Variants in ANKK1 observed in about 807,000 individuals in gnomAD.
ANKK1 encodes the protein ankyrin repeat and kinase domain containing 1.
ANKK1 carries 37 observed loss-of-function variants against 37.6 expected under a neutral mutation model. The observed-to-expected ratio is 0.98, with a 90% confidence interval of 0.76 to 1.29. ANKK1 has a LOEUF of 1.29. ANKK1 is among the 50% of genes most tolerant of loss of function. The pLI is 0.00. For synonymous variants in ANKK1, 415 were observed against 418.7 expected, an observed-to-expected ratio of 0.99 and a Z score of 0.11; for missense variants, 1,019 against 990.6, an observed-to-expected ratio of 1.03 and a Z score of -0.39.
intron 5 of ANKK1, 120 bp downstream of exon 5, chr11:113,396,342 C>CTTTT: frequency 1.1e-5 from 9 of 831,042 alleles, no homozygotes; most frequent in East Asian, 6.2e-5. Flanking sequence ...CCTAGAAGGA[C>CTTTT]TTTTTTTTTT....
chr11:113,392,109 G>A (rs1010604612), intron 1 of ANKK1, among the ~76,000 whole-genome samples: 6 of 152,220 alleles, frequency 3.9e-5, no homozygotes, highest in Non-Finnish European at 7.3e-5. Flanking sequence ...ATGCTCTCAA[G>A]ACTTCTGGGT....
chr11:113,391,359 T>C lies in ANKK1; in HGVS notation c.186-2122T>C, dbSNP rs533486914. Among the ~76,000 whole-genome samples the C allele has an allele frequency of 8.5e-5, 13 of 152,328 alleles. No homozygotes were observed. In the South Asian group the frequency reaches 1.4e-3, roughly 17 times the overall value. ...CTTTTACTGTGAATGAGGAGAGCCA[T>C]TGGAGAAGGGCAGTGACATGTTGTG... On this transcript the variant is annotated intron_variant, in intron 1 of 7. Transcript: ENST00000303941.
Position 113,388,042 on chromosome 11 carries a change from C to A in ANKK1, c.158C>A (p.Ala53Asp). ...RWRTEYAIKC[A>D]PCLPPDAASS... ...CGGACGGAGTACGCCATCAAGTGCG[C>A]CCCCTGCCTTCCACCCGACGCCGCC... The change falls in exon 1 of 8, where the codon GCC (alanine) becomes GAC (aspartate). Residue 53 changes from alanine to aspartate, a missense_variant. Physicochemically the swap from Ala to Asp is moderately radical, Grantham distance 126. Coordinates refer to ENST00000303941, the MANE Select transcript of ANKK1 (RefSeq NM_178510.2). 1 of 1,530,040 alleles carries A rather than the reference C, an allele frequency of 6.5e-7. No homozygotes were observed. Among genetic ancestry groups the A allele is most frequent in the Admixed American group, 1.9e-5 (1 of 53,694 alleles). The allele number at this position is 1,530,040 out of a possible 1,614,324, so 94.8% of individuals were successfully genotyped here. A position where few individuals can be genotyped will look rare whatever the true frequency, so the allele number is the denominator to read the frequency against.
intron 2 of ANKK1, 129 bp from the exon 3 acceptor site, chr11:113,394,800 G>A (rs751293897): frequency 6.5e-5 from 83 of 1,274,538 alleles, no homozygotes; most frequent in Non-Finnish European, 8.5e-5. Context: ...GTAGTGCTAG[G>A]AGGGAGTGTC....
chr11:113,397,417 GC>G, intron 6 of ANKK1, 75 bp downstream of exon 6: 1 of 1,273,810 alleles, frequency 7.9e-7, no homozygotes, highest in South Asian at 1.3e-5. Flanking sequence ...GTGATCTCTG[GC>G]CAGACACTGA....
Position 113,399,855 on chromosome 11 carries a change from C to G in ANKK1, c.1886C>G (p.Pro629Arg). Residue 629 changes from proline to arginine, a missense_variant, in exon 8 of 8, where the codon CCC becomes CGC. Pro to Arg is a moderately radical substitution (Grantham distance 103, BLOSUM62 -2). Transcript: ENST00000303941. ...GCTCTTGGAGCTGTGAACTGGACTC[C>G]CCTGCACCTAGCTGCACGCCACGGG... The part of the protein sequence containing the change: ...MGALGAVNWT[P>R]LHLAARHGEE... The G allele has an allele frequency of 6.2e-7, 1 of 1,612,094 alleles. No individual in the cohort carries two copies. Among genetic ancestry groups the G allele is most frequent in the Middle Eastern group, 1.7e-4 (1 of 6,058 alleles).
intron 2 of ANKK1, among the ~76,000 whole-genome samples, chr11:113,394,448 A>G (rs1051689387): frequency 6.6e-6 from 1 of 152,216 alleles, no homozygotes; most frequent in African/African-American, 2.4e-5. Flanking sequence ...TCCTTGGTCC[A>G]CAGCCTTCCT....
chr11:113,398,847 C>A, intron 7 of ANKK1, 117 bp from the exon 8 acceptor site: 1 of 869,528 alleles, frequency 1.2e-6, no homozygotes, highest in Non-Finnish European at 1.7e-6. Flanking sequence ...AAAGGCATTG[C>A]CCTTACTGCT....
At position 113,388,056 on chromosome 11, in the gene ANKK1, C is replaced by T; in HGVS notation, c.172C>T (p.Pro58Ser). 1 of 1,510,044 alleles carries T rather than the reference C, an allele frequency of 6.6e-7. No homozygotes were observed. The highest frequency in any genetic ancestry group is 8.9e-7 in the Non-Finnish European group (1 of 1,126,146). The allele number at this position is 1,510,044 out of a possible 1,614,324, so 93.5% of individuals were successfully genotyped here. ...CATCAAGTGCGCCCCCTGCCTTCCACCCGACGCCGCCAGGTACTGCCAGCC... is the reference window on the plus strand; with the variant it reads ...CATCAAGTGCGCCCCCTGCCTTCCATCCGACGCCGCCAGGTACTGCCAGCC... ...YAIKCAPCLP[P>S]DAASSDVNYL... Residue 58 changes from proline (P) to serine (S), a missense_variant, in exon 1 of 8, where the codon CCC (proline) becomes TCC (serine). Coordinates refer to ENST00000303941, the MANE Select transcript of ANKK1 (RefSeq NM_178510.2).
rs1950625788 is a variant in ANKK1 at position 113,395,011 on chromosome 11, T to C, written c.563T>C (p.Leu188Pro). 1 of 1,613,506 alleles carries C rather than the reference T, an allele frequency of 6.2e-7. No individual in the cohort carries two copies. The highest frequency in any genetic ancestry group is 8.5e-7 in the Non-Finnish European group (1 of 1,179,692). ...YIERSALRGM[L>P]SYIPPEMFLE... is the part of the protein sequence containing the mutation. ...GAGAGGTCGGCTCTGCGGGGCATGCTCAGCTACATCCCCCCTGAGATGTTC... is the reference window on the plus strand; with the variant it reads ...GAGAGGTCGGCTCTGCGGGGCATGCCCAGCTACATCCCCCCTGAGATGTTC... Residue 188 changes from leucine (L) to proline (P), a missense_variant, in exon 3 of 8, where the codon CTC (leucine) becomes CCC (proline). Transcript: ENST00000303941.
intron 7 of ANKK1, 82 bp downstream of exon 7, chr11:113,398,098 T>C: frequency 6.7e-7 from 1 of 1,489,172 alleles, no homozygotes; most frequent in Non-Finnish European, 9.1e-7. Flanking sequence ...CCCATCCCCC[T>C]GGCCTCCCCC....
chr11:113,392,178 A>C (rs12360992), intron 1 of ANKK1, among the ~76,000 whole-genome samples: 56,177 of 152,114 alleles, frequency 0.37, 13,124 homozygotes, highest in Non-Finnish European at 0.53. Context: ...TTTAGTTTAG[A>C]AACTGAGGCC....
chr11:113,400,213 G>C lies in ANKK1; in HGVS notation c.2244G>C (p.Glu748Asp). ...TCATGTCCTTCCTAGAGGGCAAGGA[G>C]CCGTCAGTGGCCACTCTGGGTGGTT... ...QGIMSFLEGK[E>D]PSVATLGGSK... The change falls in exon 8 of 8, where the codon GAG becomes GAC. Residue 748 changes from glutamate (E) to aspartate (D), a missense_variant. By Grantham distance (45) the Glu-to-Asp change is conservative. Coordinates refer to ENST00000303941, the MANE Select transcript of ANKK1 (RefSeq NM_178510.2). 6.4e-7 allele frequency: 1 copy of C among 1,552,826 alleles called. No individual in the cohort carries two copies. The highest frequency in any genetic ancestry group is 8.7e-7 in the Non-Finnish European group (1 of 1,148,610).
intron 1 of ANKK1, among the ~76,000 whole-genome samples, chr11:113,390,440 T>C (rs1208344575): frequency 3.9e-5 from 6 of 152,190 alleles, no homozygotes; most frequent in Non-Finnish European, 8.8e-5. Flanking sequence ...TAAGTGGTCA[T>C]TAAAACTAGG....
intron 1 of ANKK1, among the ~76,000 whole-genome samples, chr11:113,390,757 A>G (rs1217207731): frequency 6.6e-6 from 1 of 151,132 alleles, no homozygotes; most frequent in African/African-American, 2.4e-5. Context: ...AAAACAAAGC[A>G]AAAAAAAGGC....
chr11:113,397,204 T>C lies in ANKK1; in HGVS notation c.839-20T>C, dbSNP rs963172585. The C allele has an allele frequency of 8.2e-6, 13 of 1,594,962 alleles. No individual in the cohort carries two copies. Among genetic ancestry groups the C allele is most frequent in the Non-Finnish European group, 1.0e-5 (12 of 1,172,658 alleles). On this transcript the variant is annotated intron_variant, in intron 5 of 7. Transcript: ENST00000303941. ...CAGCCCGTTGCTTCCTTTCCTGTCT[T>C]TCTCCCACTCATGGAGCAGACATTA... is the stretch of plus-strand genomic sequence containing the variant.
intron 7 of ANKK1, 108 bp from the exon 8 acceptor site, chr11:113,398,856 C>T: frequency 1.1e-5 from 11 of 973,430 alleles, no homozygotes; most frequent in Non-Finnish European, 1.7e-5. Context: ...GCCCTTACTG[C>T]TCTAGCCTCT....
Position 113,394,945 on chromosome 11 carries a change from T to G in ANKK1, c.497T>G (p.Leu166Arg), listed in dbSNP as rs141919233. The change falls in exon 3 of 8, where the codon CTG becomes CGG. Residue 166 changes from leucine to arginine, a missense_variant. Physicochemically the swap from Leu to Arg is moderately radical, Grantham distance 102. Coordinates refer to ENST00000303941, the MANE Select transcript of ANKK1 (RefSeq NM_178510.2). ...TTCTCCCAGATTTCAGACTTCGGCCTGTCCAAGTGGATGGAACAGTCCACC... is the reference window on the plus strand; with the variant it reads ...TTCTCCCAGATTTCAGACTTCGGCCGGTCCAAGTGGATGGAACAGTCCACC... ...NMHVKISDFGLSKWMEQSTRM... is the reference protein window; with the variant it reads ...NMHVKISDFGRSKWMEQSTRM... 229 of 1,609,806 alleles carry G rather than the reference T, an allele frequency of 1.4e-4. 1 individual carries two copies. Among genetic ancestry groups the G allele is most frequent in the Middle Eastern group, 1.2e-3 (7 of 6,044 alleles).
At chr11:113,395,198 C>A (rs771389344) in intron 3 of ANKK1, 118 bp downstream of exon 3, 2 of 1,493,856 alleles carry the variant, frequency 1.3e-6, no homozygotes, top group East Asian at 2.4e-5. Flanking sequence ...TGGCCCAAGG[C>A]GGAGGACTCT....
Sources: gnomAD v4.1 joint callset for allele counts (sites outside exome capture counted in the v4.1 genomes callset) on GRCh38, gnomAD v4.1.1 for gene constraint, MANE v1.5 for transcripts, NCBI Gene and HGNC (gene_info 2026-07-23, HGNC 2026-07-21) for gene names.